Variants in TFIP11 observed in about 807,000 individuals in gnomAD.
The protein encoded by TFIP11 is tuftelin interacting protein 11, also known as tuftelin-interacting protein 11.
In TFIP11, 86 loss-of-function variants were observed where a neutral mutation model predicts 96.8. That is an observed-to-expected ratio of 0.89 (90% CI 0.75 to 1.06). The LOEUF is 1.06. TFIP11 is among the 50% of genes least tolerant of loss of function. The pLI, the probability that TFIP11 is intolerant of heterozygous loss-of-function variation, is 0.00. For synonymous variants in TFIP11, 405 were observed against 395.2 expected (o/e 1.02, Z -0.29); for missense variants, 881 against 1,076.7 (o/e 0.82, Z 2.54).
chr22:26,503,738 A>C lies in TFIP11; in HGVS notation c.576T>G (p.Ala192=), dbSNP rs1338609447. 6.2e-7 allele frequency: 1 copy of C among 1,614,010 alleles called. No individual in the cohort carries two copies. The highest frequency in any genetic ancestry group is 1.3e-5 in the African/African-American group (1 of 74,982). Residue 192 remains alanine (A), a synonymous_variant, in exon 7 of 15, where the codon GCT becomes GCG. Transcript: ENST00000407690. ...ACTGAGTGGTGCGCTCGGATCCATA[A>C]GCCCCCACAGCACCTTTTCCCTTTC... is the stretch of plus-strand genomic sequence containing the variant. ...KQRKGKGAVG[A]YGSERTTQSM...
At chr22:26,509,264 C>T (rs1923774928) in intron 4 of TFIP11, among the ~76,000 whole-genome samples, 1 of 152,176 alleles carries the variant, frequency 6.6e-6, no homozygotes, top group Non-Finnish European at 1.5e-5. Context: ...CCATCAAGGG[C>T]CTTTGCATAT....
chr22:26,495,530 G>C (rs1921847319), intron 12 of TFIP11, among the ~76,000 whole-genome samples: 1 of 150,842 alleles, frequency 6.6e-6, no homozygotes. Context: ...TCCCGACATA[G>C]CGATTCTTAA....
intron 13 of TFIP11, 47 bp from the exon 14 acceptor site, chr22:26,494,351 G>A: frequency 6.2e-7 from 1 of 1,612,466 alleles, no homozygotes; most frequent in East Asian, 2.2e-5. Flanking sequence ...AACAAATGAA[G>A]GCAAGATTTC....
chr22:26,510,288 GAA>G lies in TFIP11; in HGVS notation c.-9-9_-9-8del, dbSNP rs1176029506. The G allele has an allele frequency of 4.0e-5, 65 of 1,613,844 alleles. No individual in the cohort carries two copies. Among genetic ancestry groups the G allele is most frequent in the Non-Finnish European group, 5.3e-5 (62 of 1,179,892 alleles). Reference sequence around the variant, plus strand: ...ACAATGACATGGCCAGTCACTAAAGGAAGAGACAAAAAGAGCACAGGCCGTAA... The same window carrying G: ...ACAATGACATGGCCAGTCACTAAAGGGAGACAAAAAGAGCACAGGCCGTAA... On this transcript the variant is annotated splice_region_variant and splice_polypyrimidine_tract_variant and intron_variant, in intron 3 of 14. Transcript: ENST00000407690.
Position 26,491,709 on chromosome 22 carries a change from A to G in TFIP11, c.*304T>C. On this transcript the variant is annotated 3_prime_UTR_variant, in exon 15 of 15. Transcript: ENST00000407690. ...GGTACTCAGTGTTGGCTGAGGTAGAAGCTGCCACCAGAGACTAAAGGGAAG... is the reference window on the plus strand; with the variant it reads ...GGTACTCAGTGTTGGCTGAGGTAGAGGCTGCCACCAGAGACTAAAGGGAAG... The G allele has an allele frequency of 6.4e-7, 1 of 1,566,358 alleles. No homozygotes were observed. The highest frequency in any genetic ancestry group is 1.1e-5 in the South Asian group (1 of 89,618).
Position 26,491,405 on chromosome 22 carries a change from G to C in TFIP11, c.*608C>G, listed in dbSNP as rs1921155618. 11 of 1,320,876 alleles carry C rather than the reference G, an allele frequency of 8.3e-6. 1 individual carries two copies. In the South Asian group the frequency reaches 1.4e-4, roughly 17 times the overall value. The allele number at this position is 1,320,876 out of a possible 1,614,324, so 81.8% of individuals were successfully genotyped here. Reference sequence around the variant, plus strand: ...ACAAGTAAAGTGGAAATTTATCCCAGAAGAGTGGGGATTACTGTGACTATC... The same window carrying C: ...ACAAGTAAAGTGGAAATTTATCCCACAAGAGTGGGGATTACTGTGACTATC... On this transcript the variant is annotated 3_prime_UTR_variant, in exon 15 of 15. Transcript: ENST00000407690.
intron 7 of TFIP11, among the ~76,000 whole-genome samples, chr22:26,502,291 G>A (rs573143586): frequency 2.0e-4 from 31 of 152,204 alleles, no homozygotes; most frequent in Non-Finnish European, 4.3e-4. Context: ...AGATGGGAGG[G>A]AGAAACAAAA....
intron 8 of TFIP11, among the ~76,000 whole-genome samples, chr22:26,499,898 TTAAA>T (rs1922568195): frequency 6.6e-6 from 1 of 152,172 alleles, no homozygotes; most frequent in Non-Finnish European, 1.5e-5. Flanking sequence ...AACATGAAAT[TTAAA>T]TAGGGACTGA....
chr22:26,510,527 T>C (rs1004236959), intron 3 of TFIP11, 90 bp downstream of exon 3: 19 of 480,828 alleles, frequency 4.0e-5, no homozygotes, highest in Non-Finnish European at 6.8e-5. Flanking sequence ...CATATCTCCT[T>C]GTCCTAGTCA....
rs376064407 is a variant in TFIP11 at position 26,501,807 on chromosome 22, A to AAAAAG, written c.801+92_801+93insCTTTT. On this transcript the variant is annotated intron_variant, in intron 8 of 14. Coordinates refer to ENST00000407690, the MANE Select transcript of TFIP11 (RefSeq NM_012143.4). The stretch of plus-strand genomic sequence containing the variant: ...TACCAAAAAAAAAAAAAAAAAAAAA[A>AAAAAG]GCCTAGCTAAAAGATCCAAAAAACC... 1.5e-5 allele frequency: 8 copies of AAAAAG among 539,330 alleles called. 1 individual carries two copies. Among genetic ancestry groups the AAAAAG allele is most frequent in the Admixed American group, 7.9e-5 (2 of 25,392 alleles). The allele number at this position is 539,330 out of a possible 1,614,324, so 33.4% of individuals were successfully genotyped here. A position where few individuals can be genotyped will look rare whatever the true frequency, so the allele number is the denominator to read the frequency against.
Position 26,491,484 on chromosome 22 carries a change from C to G in TFIP11, c.*529G>C. 1 of 1,613,374 alleles carries G rather than the reference C, an allele frequency of 6.2e-7. No homozygotes were observed. The highest frequency in any genetic ancestry group is 8.5e-7 in the Non-Finnish European group (1 of 1,179,926). On this transcript the variant is annotated 3_prime_UTR_variant, in exon 15 of 15. Coordinates refer to ENST00000407690, the MANE Select transcript of TFIP11 (RefSeq NM_012143.4). ...TCAGATTTTAAAAGGACTGGAGGAG[C>G]TTGAGTTTCCTCAGACTTCACAATA...
chr22:26,507,349 G>A (rs1200528415), intron 4 of TFIP11, among the ~76,000 whole-genome samples: 2 of 152,112 alleles, frequency 1.3e-5, no homozygotes, highest in Non-Finnish European at 2.9e-5. Context: ...TTATATGAAT[G>A]TAAAGCATGT....
chr22:26,492,332 G>C lies in TFIP11; in HGVS notation c.2195C>G (p.Ala732Gly). 6.2e-7 allele frequency: 1 copy of C among 1,614,168 alleles called. No individual in the cohort carries two copies. Among genetic ancestry groups the C allele is most frequent in the Non-Finnish European group, 8.5e-7 (1 of 1,180,040 alleles). Residue 732 changes from alanine (A) to glycine (G), a missense_variant, in exon 15 of 15, where the codon GCC (alanine) becomes GGC (glycine). By Grantham distance (60) the Ala-to-Gly change is moderately conservative. Transcript: ENST00000407690. The part of the protein sequence containing the change: ...YMQPGARENI[A>G]YLTHTERRKD... ...CCTCCGCTCCGTGTGGGTGAGATAG[G>C]CAATGTTCTCCCGTGCTCCTGGCTG...
rs775744202 is a variant in TFIP11, at chr22:26,498,907, G to A, written c.1398C>T (p.Ser466=). 6 of 1,613,790 alleles carry A rather than the reference G, an allele frequency of 3.7e-6. No individual in the cohort carries two copies. The East Asian group carries it at 1.1e-4, about 30-fold the overall frequency. ...KSLLENDQLL[S]HGGQDLSADA... is the part of the protein sequence containing the mutation. Reference sequence around the variant, plus strand: ...CTGCTGAGAGGTCCTGTCCGCCATGGGACAAGAGCTGGTCATTCTCTAGGA... The same window carrying A: ...CTGCTGAGAGGTCCTGTCCGCCATGAGACAAGAGCTGGTCATTCTCTAGGA... Residue 466 remains serine (S), a synonymous_variant, in exon 10 of 15, where the codon TCC becomes TCT. Transcript: ENST00000407690.
In TFIP11 at chr22:26,499,356, C is replaced by T; in HGVS notation, c.1077G>A (p.Met359Ile). 11 of 1,614,176 alleles carry T rather than the reference C, an allele frequency of 6.8e-6. No homozygotes were observed. Among genetic ancestry groups the T allele is most frequent in the Non-Finnish European group, 9.3e-6 (11 of 1,180,022 alleles). Reference protein sequence around the residue: ...VVNLFHELEKMTEVLDHEERV... With the variant: ...VVNLFHELEKITEVLDHEERV... Reference sequence around the variant, plus strand: ...GCTCCTCGTGGTCCAGGACCTCGGTCATCTTCTCCAGCTCGTGGAAGAGGT... The same window carrying T: ...GCTCCTCGTGGTCCAGGACCTCGGTTATCTTCTCCAGCTCGTGGAAGAGGT... The change falls in exon 9 of 15, where the codon ATG (methionine) becomes ATA (isoleucine). Residue 359 changes from methionine to isoleucine, a missense_variant. By Grantham distance (10) the Met-to-Ile change is conservative (BLOSUM62 1). Transcript: ENST00000407690.
Position 26,491,661 on chromosome 22 carries a change from G to T in TFIP11, c.*352C>A. 6.2e-7 allele frequency: 1 copy of T among 1,610,346 alleles called. No homozygotes were observed. On this transcript the variant is annotated 3_prime_UTR_variant, in exon 15 of 15. Transcript: ENST00000407690. ...CAGGAACAAGAGAGAAGATCCTTCT[G>T]CTACTGACTGAACTCGTTGTGAGGT...
chr22:26,495,576 G>A (rs1602198593), intron 12 of TFIP11, among the ~76,000 whole-genome samples: 3 of 54,806 alleles, frequency 5.5e-5, no homozygotes, highest in Admixed American at 4.1e-4. Context: ...ATATATATAT[G>A]TGTGTGTGTG....
intron 6 of TFIP11, 102 bp downstream of exon 6, chr22:26,506,201 T>G (rs1290076651): frequency 3.0e-6 from 4 of 1,314,680 alleles, no homozygotes; most frequent in Admixed American, 2.6e-5. Context: ...GCTGGAGAGA[T>G]AAAGTGCTTT....
chr22:26,508,821 G>A (rs917733760), intron 4 of TFIP11, among the ~76,000 whole-genome samples: 4 of 149,918 alleles, frequency 2.7e-5, no homozygotes, highest in Non-Finnish European at 5.9e-5. Context: ...CTCCAGCCTG[G>A]CGACAGAGCA....
Sources: gnomAD v4.1 joint callset for allele counts (sites outside exome capture counted in the v4.1 genomes callset) on GRCh38, gnomAD v4.1.1 for gene constraint, MANE v1.5 for transcripts, NCBI Gene and HGNC (gene_info 2026-07-23, HGNC 2026-07-21) for gene names.